Variants in GPR89A observed in about 807,000 individuals in gnomAD.
The protein encoded by GPR89A is G protein-coupled receptor 89A.
GPR89A carries 16 observed loss-of-function variants against 52.0 expected under a neutral mutation model. The ratio of observed to expected loss-of-function variants is 0.31; its 90% confidence interval spans 0.21 to 0.47. The LOEUF (loss-of-function observed/expected upper bound fraction) is 0.47. Among genes scored for constraint, GPR89A ranks in the 20% least tolerant of loss-of-function variants. GPR89A has a pLI of 1.00. For synonymous variants in GPR89A, 55 were observed against 150.9 expected, an observed-to-expected ratio of 0.36 and a Z score of 4.66; for missense variants, 135 against 449.4, an observed-to-expected ratio of 0.30 and a Z score of 6.33.
At chr1:145,665,300 T>C (rs1317195574) in intron 11 of GPR89A, among the ~76,000 whole-genome samples, 2 of 151,826 alleles carry the variant, frequency 1.3e-5, no homozygotes, top group African/African-American at 4.8e-5. Flanking sequence ...CTGAACTACA[T>C]AGCAAGACCC....
At chr1:145,611,016 C>T (rs1430985135) in intron 1 of GPR89A, among the ~76,000 whole-genome samples, 4 of 152,088 alleles carry the variant, frequency 2.6e-5, no homozygotes, top group African/African-American at 7.2e-5. Flanking sequence ...AGTATCAAGT[C>T]TCATTTTTAA....
At chr1:145,660,941 C>T (rs1362138408) in intron 10 of GPR89A, among the ~76,000 whole-genome samples, 4 of 151,840 alleles carry the variant, frequency 2.6e-5, no homozygotes, top group African/African-American at 7.3e-5. Flanking sequence ...TTTGACCCAG[C>T]CATCCCATTA....
chr1:145,616,154 C>T, intron 1 of GPR89A, 80 bp from the exon 2 acceptor site: 1 of 864,084 alleles, frequency 1.2e-6, no homozygotes, highest in East Asian at 2.4e-5. Context: ...AGTTAGCAGA[C>T]CTTTTATCAT....
At chr1:145,654,091 T>C (rs1157006228) in intron 10 of GPR89A, among the ~76,000 whole-genome samples, 1 of 152,218 alleles carries the variant, frequency 6.6e-6, no homozygotes, top group Non-Finnish European at 1.5e-5. Flanking sequence ...GTTTTTGTAG[T>C]GGCTGGTAAT....
intron 1 of GPR89A, chr1:145,612,377 A>G (rs1320925923): frequency 9.2e-5 from 14 of 152,068 alleles, no homozygotes; most frequent in African/African-American, 2.9e-4. Context: ...AAGCCATTCT[A>G]CCTACCTTTG....
chr1:145,645,479 C>G, intron 8 of GPR89A: 1 of 414,332 alleles, frequency 2.4e-6, no homozygotes, highest in Non-Finnish European at 4.7e-6. Context: ...TATTTAACCT[C>G]CCTGAGCCCC....
intron 10 of GPR89A, among the ~76,000 whole-genome samples, chr1:145,660,071 TTGTC>T (rs1559048937): frequency 6.6e-6 from 1 of 151,964 alleles, no homozygotes; most frequent in Non-Finnish European, 1.5e-5. Flanking sequence ...GTCTCTCTGT[TTGTC>T]TGTTATTGGT....
At chr1:145,611,606 C>T (rs1472969385) in intron 1 of GPR89A, 1 of 151,302 alleles carries the variant, frequency 6.6e-6, no homozygotes, top group Non-Finnish European at 1.5e-5. Context: ...ATCTGTTTCT[C>T]TTTTCTTCCA....
intron 11 of GPR89A, among the ~76,000 whole-genome samples, chr1:145,665,309 C>T (rs1216858401): frequency 7.3e-4 from 110 of 151,366 alleles, no homozygotes; most frequent in Admixed American, 1.8e-3. Flanking sequence ...ATAGCAAGAC[C>T]CTGGCTCTAC....
At chr1:145,643,268 C>T (rs1316331650) in intron 7 of GPR89A, among the ~76,000 whole-genome samples, 4 of 151,446 alleles carry the variant, frequency 2.6e-5, no homozygotes, top group Non-Finnish European at 5.9e-5. Context: ...TAGGTTCAAG[C>T]GATTCTCCTG....
At chr1:145,621,782 C>T (rs1209973941) in intron 3 of GPR89A, among the ~76,000 whole-genome samples, 2 of 151,856 alleles carry the variant, frequency 1.3e-5, no homozygotes. Flanking sequence ...AGGCATTTCT[C>T]CAGAGATGAT....
At chr1:145,642,500 C>T (rs1403694354) in intron 7 of GPR89A, among the ~76,000 whole-genome samples, 1 of 151,832 alleles carries the variant, frequency 6.6e-6, no homozygotes, top group Non-Finnish European at 1.5e-5. Context: ...AGTATCCAGG[C>T]AAAGGTCATT....
intron 7 of GPR89A, among the ~76,000 whole-genome samples, chr1:145,637,457 A>T (rs1306748082): frequency 2.0e-5 from 3 of 152,020 alleles, no homozygotes; most frequent in African/African-American, 7.3e-5. Flanking sequence ...TGCAGGTATG[A>T]CAGATTTCAC....
At chr1:145,666,796 A>G (rs880000247) in intron 12 of GPR89A, among the ~76,000 whole-genome samples, 11 of 146,040 alleles carry the variant, frequency 7.5e-5, no homozygotes, top group Admixed American at 2.2e-4. Flanking sequence ...GAGTGAGAAT[A>G]TGCAGTGTTT....
At chr1:145,642,905 T>C (rs1222836923) in intron 7 of GPR89A, among the ~76,000 whole-genome samples, 16 of 152,070 alleles carry the variant, frequency 1.1e-4, no homozygotes, top group Non-Finnish European at 2.4e-4. Context: ...CAGCTACCAC[T>C]GTACTAGTCG....
intron 5 of GPR89A, among the ~76,000 whole-genome samples, chr1:145,629,683 T>C (rs1382803407): frequency 9.2e-5 from 14 of 151,756 alleles, no homozygotes; most frequent in Non-Finnish European, 1.8e-4. Flanking sequence ...AGAAGGAAGA[T>C]AGTAGGAGAT....
chr1:145,666,564 T>A (rs1411211403), intron 12 of GPR89A, among the ~76,000 whole-genome samples: 9 of 151,898 alleles, frequency 5.9e-5, no homozygotes, highest in East Asian at 5.8e-4. Flanking sequence ...TTTTTTTTTT[T>A]AAATTATACT....
intron 8 of GPR89A, 154 bp from the exon 9 acceptor site, chr1:145,646,030 T>G (rs1174355645): frequency 8.9e-7 from 1 of 1,121,742 alleles, no homozygotes; most frequent in African/African-American, 1.5e-5. Context: ...TTGGGAAAGC[T>G]GCTCTGAAGT....
At chr1:145,629,836 G>A (rs1649774110) in intron 5 of GPR89A, among the ~76,000 whole-genome samples, 1 of 152,084 alleles carries the variant, frequency 6.6e-6, no homozygotes, top group Non-Finnish European at 1.5e-5. Context: ...GAGGCCAGTA[G>A]TCAGAAAAGG....
Sources: gnomAD v4.1 joint callset for allele counts (sites outside exome capture counted in the v4.1 genomes callset) on GRCh38, gnomAD v4.1.1 for gene constraint, MANE v1.5 for transcripts, NCBI Gene and HGNC (gene_info 2026-07-23, HGNC 2026-07-21) for gene names.